Variants in ANKRD31 observed in about 807,000 individuals in gnomAD.
The protein encoded by ANKRD31 is ankyrin repeat domain 31.
Under a neutral mutation model 186.0 loss-of-function variants are expected in ANKRD31, and 147 were observed. The observed-to-expected ratio is 0.79, with a 90% confidence interval of 0.69 to 0.91. The LOEUF is 0.91. Among genes scored for constraint, ANKRD31 ranks in the 40% least tolerant of loss-of-function variants. The probability of loss-of-function intolerance (pLI) is 0.00; values close to 1 mark genes in which losing one functional copy is unlikely to be tolerated. For missense variants in ANKRD31, 1,986 were observed against 2,148.8 expected (o/e 0.92, Z 1.50); for synonymous variants, 673 against 736.4 (o/e 0.91, Z 1.39).
At chr5:75,157,008 A>C (rs2150163939) in intron 11 of ANKRD31, among the ~76,000 whole-genome samples, 1 of 152,306 alleles carries the variant, frequency 6.6e-6, no homozygotes, top group Admixed American at 6.5e-5. Flanking sequence ...AAATACCTAA[A>C]AATGTAGACG....
At chr5:75,235,241 C>CTTTTT (rs35626841) in intron 1 of ANKRD31, among the ~76,000 whole-genome samples, 3 of 99,890 alleles carry the variant, frequency 3.0e-5, no homozygotes, top group Admixed American at 1.2e-4. Context: ...CTTGCTGGTA[C>CTTTTT]TTTTTTTTTT....
At chr5:75,186,678 G>A (rs1302748268) in intron 10 of ANKRD31, among the ~76,000 whole-genome samples, 1 of 151,876 alleles carries the variant, frequency 6.6e-6, no homozygotes, top group Admixed American at 6.6e-5. Context: ...CTTTGCTTTT[G>A]GAAAAAGAAT....
chr5:75,222,201 G>A, intron 3 of ANKRD31, 48 bp downstream of exon 3: 3 of 1,356,562 alleles, frequency 2.2e-6, no homozygotes, highest in Non-Finnish European at 3.0e-6. Flanking sequence ...CTGAGCGATA[G>A]CATTTCCAAT....
At position 75,116,663 on chromosome 5, in the gene ANKRD31, C is replaced by A. The variant is rs80011569; in HGVS notation, c.4058G>T (p.Arg1353Leu). 7.1e-7 allele frequency: 1 copy of A among 1,410,282 alleles called. No individual in the cohort carries two copies. Among genetic ancestry groups the A allele is most frequent in the Non-Finnish European group, 9.3e-7 (1 of 1,075,884 alleles). 87.4% of individuals were successfully genotyped at this position (1,410,282 alleles called of 1,614,324 possible). A position where few individuals can be genotyped will look rare whatever the true frequency, so the allele number is the denominator to read the frequency against. ...AIVNEKIPAVRSKRHKQCFCD... is the reference protein window; with the variant it reads ...AIVNEKIPAVLSKRHKQCFCD... ...AAAACACTGTTTATGTCTTTTAGAC[C>A]GGACAGCAGGAATTTTTTCTTTAAA... The change falls in exon 19 of 26, where the codon CGG becomes CTG. Residue 1353 changes from arginine (R) to leucine (L), a missense_variant. Physicochemically the swap from Arg to Leu is moderately radical, Grantham distance 102. Coordinates refer to ENST00000506364, the MANE Select transcript of ANKRD31 (RefSeq NM_001372053.1).
chr5:75,161,017 T>G (rs368744275), intron 11 of ANKRD31, among the ~76,000 whole-genome samples: 1 of 152,120 alleles, frequency 6.6e-6, no homozygotes, highest in Non-Finnish European at 1.5e-5. Context: ...TTATCAACAG[T>G]GTAAAAACAA....
intron 4 of ANKRD31, among the ~76,000 whole-genome samples, chr5:75,210,032 G>T (rs896944384): frequency 4.6e-5 from 7 of 152,172 alleles, no homozygotes; most frequent in African/African-American, 1.7e-4. Flanking sequence ...TATGAAAATA[G>T]TTTTGACCTC....
At chr5:75,160,826 G>A (rs1228443696) in intron 11 of ANKRD31, among the ~76,000 whole-genome samples, 1 of 152,200 alleles carries the variant, frequency 6.6e-6, no homozygotes, top group Non-Finnish European at 1.5e-5. Flanking sequence ...TAAGTCTCAT[G>A]ATATCTGATG....
chr5:75,121,363 G>A (rs1009319192), intron 17 of ANKRD31, among the ~76,000 whole-genome samples: 2 of 152,018 alleles, frequency 1.3e-5, no homozygotes, highest in African/African-American at 2.4e-5. Context: ...TAATACTGGG[G>A]CACTTGAACA....
intron 16 of ANKRD31, among the ~76,000 whole-genome samples, chr5:75,138,642 G>A (rs1750788068): frequency 1.3e-5 from 2 of 152,032 alleles, no homozygotes; most frequent in African/African-American, 4.8e-5. Flanking sequence ...CCAAATGGAT[G>A]TTAAAAACTG....
intron 17 of ANKRD31, among the ~76,000 whole-genome samples, chr5:75,135,212 A>T (rs534298284): frequency 6.3e-4 from 96 of 152,226 alleles, no homozygotes; most frequent in Non-Finnish European, 8.4e-4. Flanking sequence ...AATTAGGAAA[A>T]GAGGAAGTCA....
At chr5:75,130,163 G>T (rs1315439968) in intron 17 of ANKRD31, among the ~76,000 whole-genome samples, 2 of 152,162 alleles carry the variant, frequency 1.3e-5, no homozygotes, top group African/African-American at 4.8e-5. Flanking sequence ...TGCAGTGAGT[G>T]TTACAGCTCT....
chr5:75,141,846 T>G (rs1751075140), intron 15 of ANKRD31, among the ~76,000 whole-genome samples: 1 of 152,040 alleles, frequency 6.6e-6, no homozygotes, highest in African/African-American at 2.4e-5. Context: ...TTACTGTGGA[T>G]GGTATAAATT....
intron 23 of ANKRD31, among the ~76,000 whole-genome samples, chr5:75,090,012 G>A (rs959640754): frequency 6.6e-6 from 1 of 152,204 alleles, no homozygotes; most frequent in African/African-American, 2.4e-5. Flanking sequence ...CAGGCATGTT[G>A]AGCTCAAAAG....
chr5:75,133,080 G>A (rs1252852640), intron 17 of ANKRD31, among the ~76,000 whole-genome samples: 5 of 152,116 alleles, frequency 3.3e-5, no homozygotes, highest in African/African-American at 1.2e-4. Flanking sequence ...AAAGACCGTC[G>A]ATGCTAGGAA....
chr5:75,139,834 G>C (rs139546379), intron 15 of ANKRD31, among the ~76,000 whole-genome samples: 1 of 152,150 alleles, frequency 6.6e-6, no homozygotes, highest in Non-Finnish European at 1.5e-5. Context: ...CGTGGGCGCT[G>C]GGCAGTTGGT....
intron 23 of ANKRD31, 83 bp from the exon 24 acceptor site, chr5:75,084,457 T>C: frequency 9.1e-7 from 1 of 1,097,756 alleles, no homozygotes; most frequent in Middle Eastern, 2.0e-4. Flanking sequence ...TTGTAATTTT[T>C]ATAAGGTTTT....
At chr5:75,180,289 G>A (rs1018209448) in intron 10 of ANKRD31, among the ~76,000 whole-genome samples, 9 of 152,110 alleles carry the variant, frequency 5.9e-5, no homozygotes, top group East Asian at 1.9e-4. Context: ...AATCAATATC[G>A]TGAAAATGGC....
intron 3 of ANKRD31, among the ~76,000 whole-genome samples, chr5:75,213,567 A>T (rs1756783183): frequency 6.6e-6 from 1 of 152,262 alleles, no homozygotes; most frequent in South Asian, 2.1e-4. Flanking sequence ...ACAATATGCA[A>T]GAATACATGT....
intron 3 of ANKRD31, among the ~76,000 whole-genome samples, chr5:75,217,053 T>G (rs572052902): frequency 6.6e-6 from 1 of 152,342 alleles, no homozygotes; most frequent in South Asian, 2.1e-4. Context: ...TTTCTTGGCC[T>G]TGACTTCTAT....
Sources: gnomAD v4.1 joint callset for allele counts (sites outside exome capture counted in the v4.1 genomes callset) on GRCh38, gnomAD v4.1.1 for gene constraint, MANE v1.5 for transcripts, NCBI Gene and HGNC (gene_info 2026-07-23, HGNC 2026-07-21) for gene names.